Variants in GRIK2 observed in about 807,000 individuals in gnomAD.
GRIK2 encodes the protein glutamate ionotropic receptor kainate type subunit 2.
Under a neutral mutation model 100.3 loss-of-function variants are expected in GRIK2, and 32 were observed. That is an observed-to-expected ratio of 0.32 (90% confidence interval 0.24 to 0.43). GRIK2 has a LOEUF of 0.43. Among genes scored for constraint, GRIK2 ranks in the 20% least tolerant of loss-of-function variants. The pLI is 1.00. For missense variants in GRIK2, 843 were observed against 1,114.9 expected (o/e 0.76, Z 3.47); for synonymous variants, 417 against 389.4 (o/e 1.07, Z -0.83).
At chr6:101,427,113 G>A (rs1769065380) in intron 2 of GRIK2, among the ~76,000 whole-genome samples, 1 of 152,166 alleles carries the variant, frequency 6.6e-6, no homozygotes, top group African/African-American at 2.4e-5. Context: ...AGGCCTTGGG[G>A]AAGGTTGGGG....
intron 11 of GRIK2, among the ~76,000 whole-genome samples, chr6:101,865,879 A>AC (rs1785020484): frequency 6.6e-6 from 1 of 150,438 alleles, no homozygotes; most frequent in Non-Finnish European, 1.5e-5. Context: ...ACACAGTGAG[A>AC]CCCCGTCTCA....
At chr6:101,899,082 G>A (rs1196941358) in intron 12 of GRIK2, among the ~76,000 whole-genome samples, 2 of 149,028 alleles carry the variant, frequency 1.3e-5, no homozygotes, top group African/African-American at 2.5e-5. Context: ...GAAAGAGAGA[G>A]GTTTCTTTTT....
intron 11 of GRIK2, among the ~76,000 whole-genome samples, chr6:101,878,295 G>A (rs1037160073): frequency 5.3e-5 from 8 of 150,454 alleles, no homozygotes; most frequent in Non-Finnish European, 8.9e-5. Context: ...ATAAGTAAAA[G>A]TTTGCATTCT....
At chr6:101,832,212 C>T (rs1326254197) in intron 10 of GRIK2, among the ~76,000 whole-genome samples, 1 of 151,948 alleles carries the variant, frequency 6.6e-6, no homozygotes, top group Non-Finnish European at 1.5e-5. Context: ...TAAATTAGCA[C>T]TTAAATATAT....
At chr6:101,748,928 T>C (rs967509376) in intron 7 of GRIK2, among the ~76,000 whole-genome samples, 3 of 152,176 alleles carry the variant, frequency 2.0e-5, no homozygotes, top group African/African-American at 7.2e-5. Context: ...ATACTAAATT[T>C]GCAATTGCTT....
chr6:101,569,531 C>T (rs2128298510), intron 2 of GRIK2, among the ~76,000 whole-genome samples: 1 of 151,662 alleles, frequency 6.6e-6, no homozygotes, highest in South Asian at 2.1e-4. Context: ...CTGAATTATT[C>T]CAAATATATT....
intron 2 of GRIK2, among the ~76,000 whole-genome samples, chr6:101,491,274 G>A (rs72959526): frequency 2.2e-3 from 307 of 139,914 alleles, no homozygotes; most frequent in Middle Eastern, 0.011. Flanking sequence ...GAGAAAAAAA[G>A]AAAAAAAAAA....
intron 2 of GRIK2, among the ~76,000 whole-genome samples, chr6:101,516,644 A>T (rs1404152355): frequency 6.6e-6 from 1 of 152,166 alleles, no homozygotes; most frequent in Non-Finnish European, 1.5e-5. Context: ...TTAATGGTAC[A>T]GTAATCCTTT....
At chr6:101,984,210 A>G (rs1793883618) in intron 14 of GRIK2, among the ~76,000 whole-genome samples, 1 of 151,736 alleles carries the variant, frequency 6.6e-6, no homozygotes, top group African/African-American at 2.4e-5. Flanking sequence ...ATGGGAAAAG[A>G]CCAGCACTTT....
intron 2 of GRIK2, among the ~76,000 whole-genome samples, chr6:101,577,306 G>C (rs891495790): frequency 2.6e-5 from 4 of 151,918 alleles, no homozygotes; most frequent in African/African-American, 9.7e-5. Context: ...TCAGCAATAT[G>C]TCATAAAAAG....
intron 4 of GRIK2, among the ~76,000 whole-genome samples, chr6:101,632,208 C>T (rs934848408): frequency 2.0e-5 from 3 of 152,080 alleles, no homozygotes; most frequent in African/African-American, 4.8e-5. Flanking sequence ...TCTCTCCAAA[C>T]ACATCCCAAA....
intron 7 of GRIK2, among the ~76,000 whole-genome samples, chr6:101,687,723 C>T (rs967440322): frequency 2.0e-5 from 3 of 151,626 alleles, no homozygotes. Flanking sequence ...AAAATATATC[C>T]GTATGAATTT....
chr6:101,772,572 G>T (rs959394868), intron 7 of GRIK2, among the ~76,000 whole-genome samples: 1 of 151,670 alleles, frequency 6.6e-6, no homozygotes, highest in Non-Finnish European at 1.5e-5. Context: ...AAAAGGACAA[G>T]AATATTTTAA....
chr6:101,885,337 G>A (rs1186087296), intron 11 of GRIK2, among the ~76,000 whole-genome samples: 1 of 151,986 alleles, frequency 6.6e-6, no homozygotes, highest in Non-Finnish European at 1.5e-5. Flanking sequence ...TTTGGGCAGG[G>A]AAATAACAAA....
intron 1 of GRIK2, among the ~76,000 whole-genome samples, chr6:101,397,443 T>A (rs1238848057): frequency 6.6e-6 from 1 of 152,208 alleles, no homozygotes; most frequent in African/African-American, 2.4e-5. Flanking sequence ...CCTTTTAAGG[T>A]GCTCGAACAG....
intron 4 of GRIK2, among the ~76,000 whole-genome samples, chr6:101,646,321 T>C (rs1020281581): frequency 6.6e-6 from 1 of 151,994 alleles, no homozygotes; most frequent in Non-Finnish European, 1.5e-5. Flanking sequence ...TTCTTGATGA[T>C]CTAATTATAA....
intron 14 of GRIK2, among the ~76,000 whole-genome samples, chr6:101,931,364 A>C (rs1790274322): frequency 1.3e-5 from 2 of 152,152 alleles, no homozygotes; most frequent in African/African-American, 4.8e-5. Context: ...TGACTTCTAA[A>C]GGAATCTCTA....
intron 10 of GRIK2, among the ~76,000 whole-genome samples, chr6:101,824,775 A>G (rs1782205321): frequency 6.6e-6 from 1 of 152,090 alleles, no homozygotes; most frequent in Admixed American, 6.6e-5. Context: ...TTTTCCCAGT[A>G]CTTTGTGGAA....
At chr6:101,478,070 A>G (rs1414596448) in intron 2 of GRIK2, among the ~76,000 whole-genome samples, 1 of 152,198 alleles carries the variant, frequency 6.6e-6, no homozygotes, top group African/African-American at 2.4e-5. Flanking sequence ...ACTACCAATT[A>G]CCTTTACCAA....
Sources: allele counts gnomAD v4.1 joint callset (sites outside exome capture counted in the v4.1 genomes callset), GRCh38; gene constraint gnomAD v4.1.1; transcripts MANE v1.5; gene names NCBI Gene and HGNC (gene_info 2026-07-23, HGNC 2026-07-21).